Variants in CSMD1 observed in about 807,000 individuals in gnomAD.
CSMD1 encodes CUB and Sushi multiple domains 1, also known as CUB and sushi domain-containing protein 1.
In CSMD1, 213 loss-of-function variants were observed where a neutral mutation model predicts 417.5. The ratio of observed to expected loss-of-function variants is 0.51; its 90% CI spans 0.46 to 0.57. The LOEUF is 0.57. Ranked by LOEUF, CSMD1 falls within the 20% of genes least tolerant of loss-of-function variation. The pLI is 0.00. For missense variants in CSMD1, 6,923 were observed against 4,529.7 expected, an observed-to-expected ratio of 1.53 and a Z score of -15.17; for synonymous variants, 2,862 against 1,736.8, an observed-to-expected ratio of 1.65 and a Z score of -16.11.
At chr8:3,296,984 A>G (rs1804020528) in intron 25 of CSMD1, among the ~76,000 whole-genome samples, 1 of 152,216 alleles carries the variant, frequency 6.6e-6, no homozygotes, top group African/African-American at 2.4e-5. Flanking sequence ...AATAGTTTAT[A>G]AACTATAGGA....
At chr8:3,913,964 A>C (rs1315736057) in intron 5 of CSMD1, among the ~76,000 whole-genome samples, 2 of 152,270 alleles carry the variant, frequency 1.3e-5, no homozygotes, top group East Asian at 3.9e-4. Context: ...CAGATAAAGG[A>C]AAGTACTTTA....
intron 3 of CSMD1, among the ~76,000 whole-genome samples, chr8:4,233,406 T>A (rs569885405): frequency 6.6e-6 from 1 of 152,326 alleles, no homozygotes; most frequent in South Asian, 2.1e-4. Flanking sequence ...TTCCACAAAA[T>A]TCATGTGTTG....
At chr8:4,794,908 G>C (rs1335819317) in intron 1 of CSMD1, among the ~76,000 whole-genome samples, 1 of 152,050 alleles carries the variant, frequency 6.6e-6, no homozygotes, top group Non-Finnish European at 1.5e-5. Context: ...ATTAAATCAG[G>C]AGTTGGTCAT....
At chr8:4,444,634 G>C (rs895568074) in intron 2 of CSMD1, among the ~76,000 whole-genome samples, 2 of 152,070 alleles carry the variant, frequency 1.3e-5, no homozygotes, top group Non-Finnish European at 2.9e-5. Flanking sequence ...TGTAAACATG[G>C]TTATTATCAT....
chr8:4,007,449 C>G (rs1409659460), intron 4 of CSMD1, among the ~76,000 whole-genome samples: 1 of 152,196 alleles, frequency 6.6e-6, no homozygotes, highest in Non-Finnish European at 1.5e-5. Flanking sequence ...AAGCACATCT[C>G]CCTGTCTGAC....
chr8:3,092,115 C>A lies in CSMD1; in HGVS notation c.7139-453G>T, dbSNP rs79682368. Among the ~76,000 whole-genome samples the A allele has an allele frequency of 8.6e-3, 1,312 of 152,014 alleles. 20 individuals carry two copies. The highest frequency in any genetic ancestry group is 0.03 in the African/African-American group (1,261 of 41,478). On this transcript the variant is annotated intron_variant, in intron 47 of 69. Transcript: ENST00000635120. Reference sequence around the variant, plus strand: ...ATTTCTATGAACCCTAGCACATGTACGCAAGTATTATTTATATAGTGAACA... The same window carrying A: ...ATTTCTATGAACCCTAGCACATGTAAGCAAGTATTATTTATATAGTGAACA...
intron 8 of CSMD1, among the ~76,000 whole-genome samples, chr8:3,598,142 A>G (rs11998372): frequency 0.16 from 23,939 of 152,128 alleles, 2,216 homozygotes; most frequent in East Asian, 0.32. Context: ...GCATTTAACA[A>G]AACTAAGTAG....
At chr8:3,495,649 C>G (rs78567472) in intron 10 of CSMD1, among the ~76,000 whole-genome samples, 1 of 152,134 alleles carries the variant, frequency 6.6e-6, no homozygotes, top group Non-Finnish European at 1.5e-5. Context: ...TGGCATTTTA[C>G]AAATATATGC....
intron 3 of CSMD1, among the ~76,000 whole-genome samples, chr8:4,042,318 G>A (rs1011454169): frequency 6.6e-6 from 1 of 152,090 alleles, no homozygotes; most frequent in Admixed American, 6.6e-5. Flanking sequence ...TCTGTGTAGA[G>A]AGACAAAGAT....
chr8:4,469,120 G>A (rs1329871286), intron 2 of CSMD1, among the ~76,000 whole-genome samples: 9 of 152,270 alleles, frequency 5.9e-5, no homozygotes, highest in African/African-American at 4.8e-5. Context: ...GGCCTCCCTG[G>A]AGCTCTTTTG....
At chr8:3,587,931 G>A (rs1800676036) in intron 8 of CSMD1, among the ~76,000 whole-genome samples, 1 of 151,974 alleles carries the variant, frequency 6.6e-6, no homozygotes, top group Non-Finnish European at 1.5e-5. Context: ...AATTTGAAAT[G>A]TGAAAAATAC....
intron 3 of CSMD1, among the ~76,000 whole-genome samples, chr8:4,229,688 T>C (rs1801587188): frequency 6.6e-6 from 1 of 152,162 alleles, no homozygotes; most frequent in African/African-American, 2.4e-5. Context: ...CACCATCTGA[T>C]GTACAGCCTC....
intron 5 of CSMD1, among the ~76,000 whole-genome samples, chr8:3,830,241 A>C (rs973967554): frequency 6.6e-6 from 1 of 152,234 alleles, no homozygotes; most frequent in Non-Finnish European, 1.5e-5. Context: ...AGGTGATCAT[A>C]CATGATAGAG....
intron 26 of CSMD1, among the ~76,000 whole-genome samples, chr8:3,256,882 C>G (rs995734137): frequency 2.6e-5 from 4 of 152,078 alleles, no homozygotes; most frequent in Non-Finnish European, 5.9e-5. Context: ...TTTTTCAACT[C>G]TTAGCCAAAA....
chr8:3,714,822 T>C (rs975588621), intron 6 of CSMD1, among the ~76,000 whole-genome samples: 1 of 152,130 alleles, frequency 6.6e-6, no homozygotes, highest in Admixed American at 6.5e-5. Flanking sequence ...GATTGCAAGA[T>C]AAAAATTAAA....
rs57235252 is a variant in CSMD1, at chr8:4,374,964, G to GTT, written c.415+44988_415+44989insAA. Among the ~76,000 whole-genome samples, 3 of 74,602 alleles carry GTT rather than the reference G, an allele frequency of 4.0e-5. 1 individual carries two copies. 48.9% of individuals were successfully genotyped at this position (74,602 alleles called of 152,430 possible). A position where few individuals can be genotyped will look rare whatever the true frequency, so the allele number is the denominator to read the frequency against. Reference sequence around the variant, plus strand: ...GATTAAACAGACAAAGGTGGGGTGGGGGGGGGGGGCGATAGTGGGGGTACG... The same window carrying GTT: ...GATTAAACAGACAAAGGTGGGGTGGGTTGGGGGGGGGCGATAGTGGGGGTACG... On this transcript the variant is annotated intron_variant, in intron 3 of 69. Coordinates refer to ENST00000635120, the MANE Select transcript of CSMD1 (RefSeq NM_033225.6).
chr8:3,786,070 C>T (rs1025745708), intron 5 of CSMD1, among the ~76,000 whole-genome samples: 2 of 152,040 alleles, frequency 1.3e-5, no homozygotes, highest in Admixed American at 6.6e-5. Context: ...TGAGAATGAG[C>T]AGGCCTCATT....
intron 1 of CSMD1, 43 bp downstream of exon 1, chr8:4,994,289 G>C (rs745693319): frequency 6.3e-6 from 10 of 1,580,080 alleles, no homozygotes; most frequent in Middle Eastern, 3.3e-4. Context: ...CGGGGCCTCC[G>C]AGGGCTCTAC....
intron 26 of CSMD1, among the ~76,000 whole-genome samples, chr8:3,269,595 C>G (rs1463869638): frequency 6.6e-6 from 1 of 152,152 alleles, no homozygotes; most frequent in Non-Finnish European, 1.5e-5. Context: ...TCTCGCAAAA[C>G]CTGAGAATGA....
Sources: allele counts gnomAD v4.1 joint callset (sites outside exome capture counted in the v4.1 genomes callset), GRCh38; gene constraint gnomAD v4.1.1; transcripts MANE v1.5; gene names NCBI Gene and HGNC (gene_info 2026-07-23, HGNC 2026-07-21).